Variants in PIEZO1 observed in about 807,000 individuals in gnomAD.
PIEZO1 encodes the protein piezo-type mechanosensitive ion channel component 1.
PIEZO1 carries 296 observed loss-of-function variants against 297.2 expected under a neutral mutation model. The observed-to-expected ratio is 1.00, with a 90% confidence interval of 0.91 to 1.10. The LOEUF is 1.10. Ranked by LOEUF, PIEZO1 falls within the 50% of genes least tolerant of loss-of-function variation. The pLI, the probability that PIEZO1 is intolerant of heterozygous loss-of-function variation, is 0.00. For synonymous variants in PIEZO1, 2,427 were observed against 1,507.5 expected, an observed-to-expected ratio of 1.61 and a Z score of -14.13; for missense variants, 5,018 against 3,455.5, an observed-to-expected ratio of 1.45 and a Z score of -11.34.
rs947753310 is a variant in PIEZO1 at position 88,716,026 on chromosome 16, A to G, written c.7223T>C (p.Leu2408Pro). ...TGFLEWWVIELQECRTDCNLL... is the reference protein window; with the variant it reads ...TGFLEWWVIEPQECRTDCNLL... ...GTTGCAGTCGGTCCGGCACTCCTGC[A>G]GCTCGATGACCCACCATTCGAGGAA... The change falls in exon 50 of 51, where the codon CTG becomes CCG. Residue 2408 changes from leucine (L) to proline (P), a missense_variant. Leu to Pro is a moderately conservative substitution (Grantham distance 98, BLOSUM62 -3). Coordinates refer to ENST00000301015, the MANE Select transcript of PIEZO1 (RefSeq NM_001142864.4). 6.5e-7 allele frequency: 1 copy of G among 1,550,234 alleles called. No homozygotes were observed. The highest frequency in any genetic ancestry group is 1.7e-4 in the Middle Eastern group (1 of 5,990).
intron 10 of PIEZO1, 50 bp from the exon 11 acceptor site, chr16:88,736,789 C>T (rs1344116647): frequency 1.6e-5 from 18 of 1,131,976 alleles, no homozygotes; most frequent in East Asian, 2.6e-5. Flanking sequence ...TGCAGGCCTC[C>T]CCACCCTGAC....
intron 1 of PIEZO1, among the ~76,000 whole-genome samples, chr16:88,782,341 C>T (rs953618540): frequency 4.0e-4 from 61 of 152,098 alleles, no homozygotes; most frequent in South Asian, 2.1e-4. Flanking sequence ...CGAATGGCTA[C>T]GCTCAAGCAA....
intron 5 of PIEZO1, 51 bp downstream of exon 5, chr16:88,741,427 C>T (rs1214907909): frequency 1.4e-6 from 2 of 1,455,510 alleles, no homozygotes; most frequent in African/African-American, 2.9e-5. Context: ...TGGCTGAGAC[C>T]ACAGCTCTCG....
intron 1 of PIEZO1, among the ~76,000 whole-genome samples, chr16:88,779,432 T>G (rs1907825551): frequency 1.3e-5 from 2 of 152,172 alleles, no homozygotes; most frequent in Admixed American, 6.5e-5. Context: ...TCGCGCTTTG[T>G]GAATAAACAG....
intron 34 of PIEZO1, 74 bp from the exon 35 acceptor site, chr16:88,722,763 G>T: frequency 2.0e-6 from 3 of 1,526,114 alleles, no homozygotes; most frequent in East Asian, 2.5e-5. Context: ...CAGTGGGCGC[G>T]GGACTAGGCT....
chr16:88,764,954 C>G (rs2142890540), intron 1 of PIEZO1, among the ~76,000 whole-genome samples: 1 of 152,300 alleles, frequency 6.6e-6, no homozygotes, highest in East Asian at 1.9e-4. Flanking sequence ...CATTGAAAAC[C>G]TCCCGGTAGC....
At chr16:88,773,804 T>C (rs2142902660) in intron 1 of PIEZO1, among the ~76,000 whole-genome samples, 1 of 152,150 alleles carries the variant, frequency 6.6e-6, no homozygotes, top group Middle Eastern at 3.4e-3. Flanking sequence ...CCCAGTGTCC[T>C]CCTGGGTGGT....
In PIEZO1 at chr16:88,723,291, A is replaced by C. The variant is rs1241972278; in HGVS notation, c.4373T>G (p.Val1458Gly). 1 of 1,540,480 alleles carries C rather than the reference A, an allele frequency of 6.5e-7. No individual in the cohort carries two copies. Among genetic ancestry groups the C allele is most frequent in the African/African-American group, 1.4e-5 (1 of 73,072 alleles). Residue 1458 changes from valine to glycine, a missense_variant, in exon 32 of 51, where the codon GTG becomes GGG. Coordinates refer to ENST00000301015, the MANE Select transcript of PIEZO1 (RefSeq NM_001142864.4). Reference protein sequence around the residue: ...YQAWVTNAQAVLRRRQQEQEQ... With the variant: ...YQAWVTNAQAGLRRRQQEQEQ... ...CTGCTCCTGCTGCCGCCGCCTCAGCACCGCCTGGGCGTTGGTCACCCATGC... is the reference window on the plus strand; with the variant it reads ...CTGCTCCTGCTGCCGCCGCCTCAGCCCCGCCTGGGCGTTGGTCACCCATGC...
At chr16:88,732,922 C>T (rs1904962981) in intron 19 of PIEZO1, 190 bp from the exon 20 acceptor site, 5 of 619,488 alleles carry the variant, frequency 8.1e-6, no homozygotes, top group Admixed American at 3.0e-5. Flanking sequence ...AGACCACGGG[C>T]AGGGGCTGGG....
Position 88,716,346 on chromosome 16 carries a change from G to A in PIEZO1, c.7049+15C>T, listed in dbSNP as rs767518948. On this transcript the variant is annotated intron_variant, in intron 48 of 50. Coordinates refer to ENST00000301015, the MANE Select transcript of PIEZO1 (RefSeq NM_001142864.4). ...GGCACAGCCCTCCTGCCCACCACCC[G>A]GGCCCTTCACTCACACAGACTGGTC... is the stretch of plus-strand genomic sequence containing the variant. 55 of 1,519,936 alleles carry A rather than the reference G, an allele frequency of 3.6e-5. No homozygotes were observed. Among genetic ancestry groups the A allele is most frequent in the African/African-American group, 4.1e-5 (3 of 72,634 alleles). The allele number at this position is 1,519,936 out of a possible 1,614,324, so 94.2% of individuals were successfully genotyped here.
At chr16:88,738,758 G>T in intron 5 of PIEZO1, 22 bp from the exon 6 acceptor site, 2 of 1,521,294 alleles carry the variant, frequency 1.3e-6, no homozygotes, top group Admixed American at 2.0e-5. Flanking sequence ...ACGGACAGGG[G>T]CAAGGTCAGG....
At chr16:88,717,333 G>A (rs879550717) in intron 44 of PIEZO1, 122 bp from the exon 45 acceptor site, 27 of 759,244 alleles carry the variant, frequency 3.6e-5, no homozygotes, top group African/African-American at 5.1e-5. Flanking sequence ...ATGGCACAGC[G>A]GTAGTAATGG....
intron 5 of PIEZO1, 154 bp downstream of exon 5, chr16:88,741,324 G>A (rs1023751667): frequency 3.0e-5 from 20 of 671,676 alleles, no homozygotes; most frequent in African/African-American, 1.6e-4. Flanking sequence ...GCTGGGCCCC[G>A]GGGTGGGATT....
At chr16:88,757,379 A>AT (rs1906727648) in intron 1 of PIEZO1, among the ~76,000 whole-genome samples, 1 of 150,380 alleles carries the variant, frequency 6.6e-6, no homozygotes, top group Non-Finnish European at 1.5e-5. Flanking sequence ...AAAGGCTCCA[A>AT]TGACAGTGCC....
intron 19 of PIEZO1, 102 bp downstream of exon 19, chr16:88,733,176 T>G (rs1399004852): frequency 1.8e-6 from 2 of 1,105,390 alleles, no homozygotes; most frequent in African/African-American, 3.1e-5. Flanking sequence ...TCCATCTCCA[T>G]TGCTGGCCCC....
intron 1 of PIEZO1, among the ~76,000 whole-genome samples, chr16:88,758,588 C>G (rs1056711971): frequency 1.3e-5 from 2 of 152,244 alleles, no homozygotes; most frequent in African/African-American, 4.8e-5. Context: ...CAAGACACAG[C>G]AGATGCAGGA....
intron 1 of PIEZO1, among the ~76,000 whole-genome samples, chr16:88,781,323 T>C (rs568286716): frequency 1.3e-3 from 204 of 152,354 alleles, no homozygotes; most frequent in Non-Finnish European, 2.4e-3. Flanking sequence ...CCCTGGCAGC[T>C]GGGGCTGGAG....
Position 88,733,290 on chromosome 16 carries a change from G to C in PIEZO1, c.2652C>G (p.Ser884Arg), listed in dbSNP as rs1229422527. ...LKVVNPQEYS[S>R]NCTEPFPNST... ...CGGGGGCCGGTACCTCGGTGCAGTT[G>C]CTGGAATACTCCTGGGGGTTGACAA... Residue 884 changes from serine to arginine, a missense_variant, in exon 19 of 51, where the codon AGC (serine) becomes AGG (arginine). Transcript: ENST00000301015. 6.5e-7 allele frequency: 1 copy of C among 1,542,296 alleles called. No homozygotes were observed.
Position 88,722,622 on chromosome 16 carries a change from C to G in PIEZO1, c.4736G>C (p.Gly1579Ala), listed in dbSNP as rs1028677086. 1 of 1,538,470 alleles carries G rather than the reference C, an allele frequency of 6.5e-7. No homozygotes were observed. The highest frequency in any genetic ancestry group is 2.0e-5 in the Admixed American group (1 of 50,850). Residue 1579 changes from glycine (G) to alanine (A), a missense_variant, in exon 35 of 51, where the codon GGC becomes GCC. Gly to Ala is a moderately conservative substitution (Grantham distance 60). Coordinates refer to ENST00000301015, the MANE Select transcript of PIEZO1 (RefSeq NM_001142864.4). ...TGGGGCATTGGGGGCCTCGGTGGGG[C>G]CTGGCAGCGTGGCCTCGGCCTGGCT... Reference protein sequence around the residue: ...YTSQAEATLPGPTEAPNAPST... With the variant: ...YTSQAEATLPAPTEAPNAPST...
Sources: gnomAD v4.1 joint callset for allele counts (sites outside exome capture counted in the v4.1 genomes callset) on GRCh38, gnomAD v4.1.1 for gene constraint, MANE v1.5 for transcripts, NCBI Gene and HGNC (gene_info 2026-07-23, HGNC 2026-07-21) for gene names.